Variants in ZSWIM5 observed in about 807,000 individuals in gnomAD.
ZSWIM5 encodes the protein zinc finger SWIM-type containing 5, also known as zinc finger SWIM domain-containing protein 5.
Under a neutral mutation model 119.6 loss-of-function variants are expected in ZSWIM5, and 55 were observed. The ratio of observed to expected loss-of-function variants is 0.46; its 90% CI spans 0.37 to 0.58. ZSWIM5 has a LOEUF of 0.58. Ranked by LOEUF, ZSWIM5 falls within the 20% of genes least tolerant of loss-of-function variation. The pLI is 0.00. For missense variants in ZSWIM5, 1,193 were observed against 1,512.8 expected, an observed-to-expected ratio of 0.79 and a Z score of 3.51; for synonymous variants, 537 against 606.9, an observed-to-expected ratio of 0.88 and a Z score of 1.69.
intron 8 of ZSWIM5, among the ~76,000 whole-genome samples, chr1:45,037,977 A>G (rs1188865154): frequency 6.6e-6 from 1 of 152,242 alleles, no homozygotes; most frequent in South Asian, 2.1e-4. Flanking sequence ...GAACACAAAG[A>G]TAAAGAAGTC....
intron 1 of ZSWIM5, among the ~76,000 whole-genome samples, chr1:45,110,024 C>G (rs1570109608): frequency 6.6e-6 from 1 of 152,098 alleles, no homozygotes; most frequent in African/African-American, 2.4e-5. Flanking sequence ...ACCACCACAC[C>G]TGGCTAATTT....
intron 1 of ZSWIM5, among the ~76,000 whole-genome samples, chr1:45,090,403 A>T (rs915414728): frequency 2.0e-5 from 3 of 152,326 alleles, no homozygotes; most frequent in South Asian, 4.1e-4. Flanking sequence ...AAAAAGTTAC[A>T]TTCAAATTAA....
rs563488237 is a variant in ZSWIM5, at chr1:45,162,681, C to A, written c.595+43075G>T. The stretch of plus-strand genomic sequence containing the variant: ...CACACCAGGAGATTATATCCCGTGC[C>A]TGGCTTGGAGGGTTCCACGCCCACG... On this transcript the variant is annotated intron_variant, in intron 1 of 13. Transcript: ENST00000359600. Among the ~76,000 whole-genome samples, 46 of 152,300 alleles carry A rather than the reference C, an allele frequency of 3.0e-4. 1 individual carries two copies. The highest frequency in any genetic ancestry group is 5.2e-4 in the Admixed American group (8 of 15,298).
intron 1 of ZSWIM5, among the ~76,000 whole-genome samples, chr1:45,099,747 C>A (rs751002458): frequency 6.6e-6 from 1 of 152,116 alleles, no homozygotes; most frequent in Non-Finnish European, 1.5e-5. Context: ...GTTCAACACA[C>A]GCAAATCAAT....
intron 1 of ZSWIM5, among the ~76,000 whole-genome samples, chr1:45,198,677 C>T (rs1646140427): frequency 6.6e-6 from 1 of 152,130 alleles, no homozygotes. Context: ...GATTTGGCTC[C>T]TTCTGACTTC....
At position 45,168,750 on chromosome 1, in the gene ZSWIM5, T is replaced by C. The variant is rs929721496; in HGVS notation, c.595+37006A>G. Reference sequence around the variant, plus strand: ...AATTTTTTTAAGTTAGTTTTGAAAATAGGAAAATTTCACATTTAAAAATAT... The same window carrying C: ...AATTTTTTTAAGTTAGTTTTGAAAACAGGAAAATTTCACATTTAAAAATAT... On this transcript the variant is annotated intron_variant, in intron 1 of 13. Transcript: ENST00000359600. Among the ~76,000 whole-genome samples the C allele has an allele frequency of 6.0e-5, 9 of 150,014 alleles. No homozygotes were observed. The East Asian group carries it at 1.2e-3, about 20-fold the overall frequency.
intron 1 of ZSWIM5, among the ~76,000 whole-genome samples, chr1:45,140,816 T>A (rs1368235010): frequency 6.6e-6 from 1 of 152,184 alleles, no homozygotes; most frequent in African/African-American, 2.4e-5. Flanking sequence ...GCAGTAGTAT[T>A]TGAAGATGCT....
chr1:45,070,527 A>AT (rs748677296), intron 2 of ZSWIM5: 183 of 589,884 alleles, frequency 3.1e-4, no homozygotes, highest in Non-Finnish European at 4.6e-4. Flanking sequence ...AATATTCATG[A>AT]TTTTTTTCTG....
At chr1:45,064,440 A>G (rs1645171639) in intron 2 of ZSWIM5, among the ~76,000 whole-genome samples, 2 of 152,222 alleles carry the variant, frequency 1.3e-5, no homozygotes, top group South Asian at 2.1e-4. Context: ...GAACAAATAC[A>G]TATCTCACTA....
At chr1:45,093,845 T>TG (rs1553193807) in intron 1 of ZSWIM5, among the ~76,000 whole-genome samples, 50 of 78,840 alleles carry the variant, frequency 6.3e-4, no homozygotes, top group Non-Finnish European at 1.2e-3. Flanking sequence ...TGTAGAAGCT[T>TG]GTTTTTTTTT....
intron 4 of ZSWIM5, among the ~76,000 whole-genome samples, chr1:45,054,209 T>C (rs914707383): frequency 1.3e-5 from 2 of 151,604 alleles, no homozygotes; most frequent in Non-Finnish European, 1.5e-5. Flanking sequence ...TCCCAGGAGT[T>C]TGAGTTGCAG....
At chr1:45,106,009 CCGG>C (rs1645473072) in intron 1 of ZSWIM5, among the ~76,000 whole-genome samples, 3 of 145,836 alleles carry the variant, frequency 2.1e-5, no homozygotes, top group African/African-American at 2.6e-5. Context: ...GCGCCTCTGC[CCGG>C]CCGCCCCGTC....
At chr1:45,053,871 T>C (rs952493001) in intron 4 of ZSWIM5, among the ~76,000 whole-genome samples, 3 of 152,014 alleles carry the variant, frequency 2.0e-5, no homozygotes, top group Non-Finnish European at 4.4e-5. Context: ...ATAAATTTGT[T>C]TCAATACAAT....
At chr1:45,048,609 G>C (rs1416635090) in intron 5 of ZSWIM5, among the ~76,000 whole-genome samples, 1 of 152,130 alleles carries the variant, frequency 6.6e-6, no homozygotes. Flanking sequence ...GGATACTAAA[G>C]AAAAGAAGCT....
At chr1:45,192,222 A>G (rs1291298173) in intron 1 of ZSWIM5, among the ~76,000 whole-genome samples, 3 of 152,174 alleles carry the variant, frequency 2.0e-5, no homozygotes, top group Admixed American at 1.3e-4. Flanking sequence ...ACTCCTACCT[A>G]TCTCCAGAAT....
intron 4 of ZSWIM5, among the ~76,000 whole-genome samples, chr1:45,053,560 G>C (rs1170133178): frequency 6.6e-6 from 1 of 151,714 alleles, no homozygotes; most frequent in Non-Finnish European, 1.5e-5. Context: ...TCAGGAGTTC[G>C]AGACCAGCCT....
intron 1 of ZSWIM5, among the ~76,000 whole-genome samples, chr1:45,165,031 T>C (rs1197179926): frequency 7.9e-5 from 12 of 152,052 alleles, no homozygotes; most frequent in Non-Finnish European, 7.4e-5. Flanking sequence ...CAGCACCACA[T>C]CACACTTATT....
In ZSWIM5 at chr1:45,154,733, T is replaced by C. The variant is rs1645817317; in HGVS notation, c.595+51023A>G. The stretch of plus-strand genomic sequence containing the variant: ...CCCCATTTCTACTAAAAATTAAAAA[T>C]TAGCCAGGCATGATGGCAGGCACCT... On this transcript the variant is annotated intron_variant, in intron 1 of 13. Coordinates refer to ENST00000359600, the MANE Select transcript of ZSWIM5 (RefSeq NM_020883.2). Among the ~76,000 whole-genome samples the C allele has an allele frequency of 2.0e-5, 3 of 151,964 alleles. No individual in the cohort carries two copies. The South Asian group carries it at 6.2e-4, about 31-fold the overall frequency.
intron 11 of ZSWIM5, 71 bp downstream of exon 11, chr1:45,034,241 C>A: frequency 6.7e-7 from 1 of 1,493,414 alleles, no homozygotes; most frequent in Non-Finnish European, 9.0e-7. Flanking sequence ...GACTGCAGGC[C>A]AAGCCTTTGA....
Sources: allele counts gnomAD v4.1 joint callset (sites outside exome capture counted in the v4.1 genomes callset), GRCh38; gene constraint gnomAD v4.1.1; transcripts MANE v1.5; gene names NCBI Gene and HGNC (gene_info 2026-07-23, HGNC 2026-07-21).